Variants in OPCML observed in about 807,000 individuals in gnomAD.
OPCML encodes the protein opioid-binding protein/cell adhesion molecule.
A neutral mutation model predicts 37.8 loss-of-function variants in OPCML; 13 were observed. That is an observed-to-expected ratio of 0.34 (90% confidence interval 0.22 to 0.55). The LOEUF is 0.55. Ranked by LOEUF, OPCML falls within the 20% of genes least tolerant of loss-of-function variation. OPCML has a pLI of 0.91. For missense variants in OPCML, 341 were observed against 435.6 expected, an observed-to-expected ratio of 0.78 and a Z score of 1.93; for synonymous variants, 176 against 168.8, an observed-to-expected ratio of 1.04 and a Z score of -0.33.
At chr11:132,911,078 C>T (rs1363682977) in intron 2 of OPCML, among the ~76,000 whole-genome samples, 5 of 152,218 alleles carry the variant, frequency 3.3e-5, no homozygotes, top group Non-Finnish European at 7.3e-5. Flanking sequence ...GCAACAGCAA[C>T]CCTCATCTTC....
At chr11:133,195,507 G>T (rs570396251) in intron 1 of OPCML, among the ~76,000 whole-genome samples, 1 of 152,088 alleles carries the variant, frequency 6.6e-6, no homozygotes, top group African/African-American at 2.4e-5. Context: ...TTCTATTTCC[G>T]CATTCATTAT....
At chr11:132,784,755 G>A (rs967077408) in intron 2 of OPCML, among the ~76,000 whole-genome samples, 1 of 152,134 alleles carries the variant, frequency 6.6e-6, no homozygotes, top group African/African-American at 2.4e-5. Context: ...CTGTTGAAAA[G>A]AGCCTGGCAC....
chr11:133,004,669 A>G lies in OPCML; in HGVS notation c.62-61659T>C, dbSNP rs563991576. 6.1e-6 allele frequency: 6 copies of G among 985,422 alleles called. No individual in the cohort carries two copies. The African/African-American group carries it at 1.0e-4, about 17-fold the overall frequency. The allele number at this position is 985,422 out of a possible 1,614,324, so 61.0% of individuals were successfully genotyped here. A position where few individuals can be genotyped will look rare whatever the true frequency, so the allele number is the denominator to read the frequency against. On this transcript the variant is annotated intron_variant, in intron 1 of 7. Coordinates refer to ENST00000524381, the MANE Select transcript of OPCML (RefSeq NM_001012393.5). ...TCGGGAGGCCAGCTGGCGAGGGACC[A>G]TGCCCTCGCTCTCCTTCAGGGCTTG... is the stretch of plus-strand genomic sequence containing the variant.
chr11:132,486,954 T>A (rs1321107311), intron 4 of OPCML, among the ~76,000 whole-genome samples: 1 of 152,256 alleles, frequency 6.6e-6, no homozygotes, highest in African/African-American at 2.4e-5. Flanking sequence ...TTGCATCTCA[T>A]TGCATATTAT....
At chr11:132,807,031 C>T (rs577662702) in intron 2 of OPCML, among the ~76,000 whole-genome samples, 5 of 152,066 alleles carry the variant, frequency 3.3e-5, no homozygotes, top group East Asian at 3.9e-4. Flanking sequence ...ACGGAATGCT[C>T]GCAGAGAAAT....
chr11:132,420,359 C>A (rs536042001), intron 7 of OPCML, 66 bp from the exon 8 acceptor site: 19 of 1,585,766 alleles, frequency 1.2e-5, no homozygotes, highest in Non-Finnish European at 1.5e-5. Context: ...TCTTCCCTGA[C>A]AAGCAAATAC....
Position 133,174,346 on chromosome 11 carries a change from G to A in OPCML, c.62-231336C>T, listed in dbSNP as rs1474452798. ...CCTAGGTTCCAGGTCAGATGAAATG[G>A]CCATTTCTAGTTTCTCAAAAGCCCC... On this transcript the variant is annotated intron_variant, in intron 1 of 7. Coordinates refer to ENST00000524381, the MANE Select transcript of OPCML (RefSeq NM_001012393.5). The surrounding 1 kb of genome is among the most constrained non-coding windows in gnomAD (Gnocchi z 4.6). Among the ~76,000 whole-genome samples the A allele has an allele frequency of 6.6e-6, 1 of 152,070 alleles. No homozygotes were observed. The highest frequency in any genetic ancestry group is 6.5e-5 in the Admixed American group (1 of 15,270).
intron 1 of OPCML, among the ~76,000 whole-genome samples, chr11:133,334,276 A>T (rs1288421445): frequency 6.6e-6 from 1 of 152,258 alleles, no homozygotes; most frequent in Non-Finnish European, 1.5e-5. Flanking sequence ...GATAAAGAAA[A>T]TGTGGTACAT....
intron 1 of OPCML, among the ~76,000 whole-genome samples, chr11:133,190,776 T>C (rs1377831121): frequency 2.0e-5 from 3 of 152,214 alleles, no homozygotes; most frequent in African/African-American, 7.2e-5. Flanking sequence ...TGGTATAATG[T>C]TTTCAAGGTT....
intron 2 of OPCML, among the ~76,000 whole-genome samples, chr11:132,808,142 G>A (rs1164105087): frequency 6.6e-6 from 1 of 152,144 alleles, no homozygotes; most frequent in African/African-American, 2.4e-5. Context: ...ACTAGGGGAT[G>A]GGAACCAAAC....
intron 1 of OPCML, among the ~76,000 whole-genome samples, chr11:133,516,472 A>G (rs1000830979): frequency 1.3e-5 from 2 of 152,188 alleles, no homozygotes; most frequent in African/African-American, 4.8e-5. Context: ...TCACTTCAGG[A>G]CAAAAACTAT....
chr11:132,745,604 G>GA (rs896705065), intron 2 of OPCML, among the ~76,000 whole-genome samples: 23 of 140,254 alleles, frequency 1.6e-4, no homozygotes, highest in East Asian at 4.2e-4. Context: ...AAGAAAGAAA[G>GA]AAAAAAAAAG....
intron 2 of OPCML, among the ~76,000 whole-genome samples, chr11:132,929,954 A>G (rs1222764491): frequency 6.6e-6 from 1 of 152,218 alleles, no homozygotes; most frequent in Non-Finnish European, 1.5e-5. Context: ...AATGTACTCA[A>G]CATACTAAAT....
chr11:133,007,613 C>A, intron 1 of OPCML: 2 of 985,416 alleles, frequency 2.0e-6, no homozygotes, highest in Non-Finnish European at 2.4e-6. Flanking sequence ...AGCTGGGATG[C>A]ACATGCTTAT....
chr11:133,379,796 A>G (rs1222320215), intron 1 of OPCML, among the ~76,000 whole-genome samples: 1 of 152,220 alleles, frequency 6.6e-6, no homozygotes, highest in Non-Finnish European at 1.5e-5. Flanking sequence ...CACAGTGTAC[A>G]ATAACATTAA....
rs184049890 is a variant in OPCML at position 133,493,722 on chromosome 11, C to G, written c.61+38542G>C. Among the ~76,000 whole-genome samples the G allele has an allele frequency of 3.0e-3, 460 of 152,168 alleles. 1 individual carries two copies. The highest frequency in any genetic ancestry group is 0.011 in the African/African-American group (445 of 41,516). On this transcript the variant is annotated intron_variant, in intron 1 of 7. Coordinates refer to ENST00000524381, the MANE Select transcript of OPCML (RefSeq NM_001012393.5). ...TAAAATTGTTGTGTCAAAGAGTATG[C>G]ATAATATTTTAAGAGTTTTTTAATG...
At chr11:132,705,415 A>C (rs1943993362) in intron 2 of OPCML, among the ~76,000 whole-genome samples, 1 of 151,064 alleles carries the variant, frequency 6.6e-6, no homozygotes, top group African/African-American at 2.4e-5. Context: ...ACATGGCAAA[A>C]CCCCATGACT....
At chr11:133,012,393 A>G (rs971688252) in intron 1 of OPCML, among the ~76,000 whole-genome samples, 2 of 152,218 alleles carry the variant, frequency 1.3e-5, no homozygotes, top group African/African-American at 4.8e-5. Context: ...TTGGGATTGG[A>G]AGCGGTTGGA....
At chr11:132,618,862 C>T (rs76604106) in intron 3 of OPCML, among the ~76,000 whole-genome samples, 2,433 of 151,976 alleles carry the variant, frequency 0.016, 38 homozygotes, top group African/African-American at 0.045. Context: ...TCCTTGTAAC[C>T]TGCTCTTGAC....
Sources: allele counts gnomAD v4.1 joint callset (sites outside exome capture counted in the v4.1 genomes callset), GRCh38; gene constraint gnomAD v4.1.1; non-coding constraint Gnocchi (gnomAD v3.1); transcripts MANE v1.5; gene names NCBI Gene and HGNC (gene_info 2026-07-23, HGNC 2026-07-21).